Variants in KMT2D observed in about 807,000 individuals in gnomAD.
The protein encoded by KMT2D is histone-lysine N-methyltransferase 2D.
In KMT2D, 55 loss-of-function variants were observed where a neutral mutation model predicts 512.7. The ratio of observed to expected loss-of-function variants is 0.11; its 90% CI spans 0.09 to 0.13. The LOEUF is 0.13. KMT2D is among the 10% of genes least tolerant of loss of function. KMT2D has a pLI of 1.00. For missense variants in KMT2D, 6,061 were observed against 7,127.9 expected, an observed-to-expected ratio of 0.85 and a Z score of 5.39; for synonymous variants, 2,995 against 2,904.0, an observed-to-expected ratio of 1.03 and a Z score of -1.01.
At position 49,060,513 on chromosome 12, in the gene KMT2D, C is replaced by G. The variant is rs1284303896; in HGVS notation, c.-938G>C. The stretch of plus-strand genomic sequence containing the variant: ...ACCCCGGCTCCCGGCACCGGGGGGT[C>G]AGGAAACTGAGCGGAAAGTGGGGAA... On this transcript the variant is annotated 5_prime_UTR_variant, in exon 1 of 55. It removes the in-frame stop codon of an upstream open reading frame in the 5' UTR. Transcript: ENST00000301067. 6.6e-6 allele frequency among the ~76,000 whole-genome samples: 1 copy of G among 152,220 alleles called. No individual in the cohort carries two copies. Among genetic ancestry groups the G allele is most frequent in the African/African-American group, 2.4e-5 (1 of 41,458 alleles).
Position 49,039,807 on chromosome 12 carries a change from A to C in KMT2D, c.7963T>G (p.Ser2655Ala). 1.2e-6 allele frequency: 2 copies of C among 1,613,996 alleles called. No homozygotes were observed. The highest frequency in any genetic ancestry group is 1.3e-5 in the African/African-American group (1 of 75,058). The part of the protein sequence containing the change: ...REDPGTGMGS[S>A]LATAELPGTQ... ...CCTGGGAGTTCAGCTGTCGCCAAAGAGCTACCCATTCCAGTCCCTGGGTCT... is the reference window on the plus strand; with the variant it reads ...CCTGGGAGTTCAGCTGTCGCCAAAGCGCTACCCATTCCAGTCCCTGGGTCT... The change falls in exon 32 of 55, where the codon TCT (serine) becomes GCT (alanine). Residue 2655 changes from serine (S) to alanine (A), a missense_variant. Physicochemically the swap from Ser to Ala is moderately conservative, Grantham distance 99 (BLOSUM62 1). Transcript: ENST00000301067. This position sits in a 1 kb window ranked among gnomAD's most constrained non-coding sequence, Gnocchi z 5.0.
chr12:49,034,072 C>G lies in KMT2D; in HGVS notation c.10735G>C (p.Asp3579His), dbSNP rs1943093985. Reference sequence around the variant, plus strand: ...TGAAGTTTGCTTTCCCCCACCTGATCCAGTTGTTTCTGGATCTTGCTCTGC... The same window carrying G: ...TGAAGTTTGCTTTCCCCCACCTGATGCAGTTGTTTCTGGATCTTGCTCTGC... ...EQQSKIQKQL[D>H]QVRKQQKEHT... The change falls in exon 39 of 55, where the codon GAT becomes CAT. Residue 3579 changes from aspartate (D) to histidine (H), a missense_variant. Physicochemically the swap from Asp to His is moderately conservative, Grantham distance 81. Around this residue, in one of 16 missense-constraint regions of KMT2D, gnomAD observed 50 missense variants for 119.9 expected, o/e 0.42. Coordinates refer to ENST00000301067, the MANE Select transcript of KMT2D (RefSeq NM_003482.4). The G allele has an allele frequency of 6.2e-7, 1 of 1,611,962 alleles. No homozygotes were observed. Among genetic ancestry groups the G allele is most frequent in the African/African-American group, 1.3e-5 (1 of 74,906 alleles).
In KMT2D at chr12:49,033,289, G is replaced by T; in HGVS notation, c.11416C>A (p.Gln3806Lys). The T allele has an allele frequency of 6.3e-7, 1 of 1,581,778 alleles. No homozygotes were observed. The highest frequency in any genetic ancestry group is 1.3e-5 in the African/African-American group (1 of 74,462). Residue 3806 changes from glutamine (Q) to lysine (K), a missense_variant, in exon 40 of 55, where the codon CAG (glutamine) becomes AAG (lysine). This residue lies in a region of KMT2D where 1,600 missense variants were observed against 1,754.9 expected (regional missense o/e 0.91). Coordinates refer to ENST00000301067, the MANE Select transcript of KMT2D (RefSeq NM_003482.4). ...QGPQGMLGPA[Q>K]VAVLQQQHPG... The stretch of plus-strand genomic sequence containing the variant: ...TGCTGCTGCTGCAACACAGCCACCT[G>T]GGCAGGGCCCAGCATGCCCTGGGGC...
rs562830182 is a variant in KMT2D at position 49,027,872 on chromosome 12, C to T, written c.14574G>A (p.Lys4858=). ...AGCCAGGCAACACTGCATCAAACTG[C>T]TTCAGCCAATCAGGGCCAGTGTCTG... ...KSPDTGPDWL[K]QFDAVLPGYT... Residue 4858 remains lysine, a synonymous_variant, in exon 48 of 55, where the codon AAG becomes AAA. Coordinates refer to ENST00000301067, the MANE Select transcript of KMT2D (RefSeq NM_003482.4). 2.9e-5 allele frequency: 47 copies of T among 1,612,034 alleles called. No homozygotes were observed. The highest frequency in any genetic ancestry group is 6.7e-5 in the Admixed American group (4 of 59,708).
Position 49,046,514 on chromosome 12 carries a change from GCCT to G in KMT2D, c.4418+92_4419-91del. 6.3e-7 allele frequency: 1 copy of G among 1,579,378 alleles called. No homozygotes were observed. Among genetic ancestry groups the G allele is most frequent in the Non-Finnish European group, 8.6e-7 (1 of 1,158,486 alleles). On this transcript the variant is annotated intron_variant, in intron 16 of 54. Transcript: ENST00000301067. The surrounding 1 kb of genome is among the most constrained non-coding windows in gnomAD (Gnocchi z 4.2). Reference sequence around the variant, plus strand: ...ACCGGAAACCCAAGCCACCAGCCTGGCCTCCTAAACCCAGCCTCTGTCACATAC... The same window carrying G: ...ACCGGAAACCCAAGCCACCAGCCTGGCCTAAACCCAGCCTCTGTCACATAC...
At chr12:49,023,018 G>A in intron 51 of KMT2D, 143 bp from the exon 52 acceptor site, 2 of 902,170 alleles carry the variant, frequency 2.2e-6, no homozygotes, top group South Asian at 3.8e-5. Context: ...GCAGCCTTGG[G>A]AAAGGAGTAG....
chr12:49,022,355 T>TAG lies in KMT2D; in HGVS notation c.16339-4_16339-3dup, dbSNP rs1323229788. ...TCGGAACATGTAGATGCCTCGATTCTAGAAAGGCAGAGGTTGCAGAAGAAG... is the reference window on the plus strand; with the variant it reads ...TCGGAACATGTAGATGCCTCGATTCTAGAGAAAGGCAGAGGTTGCAGAAGAAG... On this transcript the variant is annotated splice_polypyrimidine_tract_variant and splice_region_variant and intron_variant, in intron 52 of 54. Transcript: ENST00000301067. The surrounding 1 kb of genome is among the most constrained non-coding windows in gnomAD (Gnocchi z 8.6). 6.2e-7 allele frequency: 1 copy of TAG among 1,602,362 alleles called. No homozygotes were observed. The highest frequency in any genetic ancestry group is 2.2e-5 in the East Asian group (1 of 44,608).
At position 49,044,951 on chromosome 12, in the gene KMT2D, G is replaced by C. The variant is rs759873461; in HGVS notation, c.4756C>G (p.Arg1586Gly). The C allele has an allele frequency of 1.9e-6, 3 of 1,613,708 alleles. No homozygotes were observed. Among genetic ancestry groups the C allele is most frequent in the Non-Finnish European group, 2.5e-6 (3 of 1,179,714 alleles). The change falls in exon 20 of 55, where the codon CGC (arginine) becomes GGC (glycine). Residue 1586 changes from arginine (R) to glycine (G), a missense_variant. Transcript: ENST00000301067. This position sits in a 1 kb window ranked among gnomAD's most constrained non-coding sequence, Gnocchi z 6.4. ...TCTGTCAGCCACACACCTTCGAAGCGAAAGTACTGGGGCTCTGCATAAGAG... is the reference window on the plus strand; with the variant it reads ...TCTGTCAGCCACACACCTTCGAAGCCAAAGTACTGGGGCTCTGCATAAGAG... Reference protein sequence around the residue: ...KVKEPEPQYFRFEGVWLTETG... With the variant: ...KVKEPEPQYFGFEGVWLTETG...
chr12:49,021,938 A>T, intron 54 of KMT2D, 66 bp from the exon 55 acceptor site: 2 of 1,564,076 alleles, frequency 1.3e-6, no homozygotes, highest in Admixed American at 1.7e-5. Context: ...CAGAGAAGAT[A>T]TGATCTGAGG....
rs771549307 is a variant in KMT2D, at chr12:49,026,206, C to T, written c.15760G>A (p.Val5254Ile). ...CCCTGGGGAGAGGCGTCAGTGAAGA[C>T]CAGGTCCTCCAGGCCCTGCTCGATG... Reference protein sequence around the residue: ...KVIEQGLEDLVFTDASPQAVW... With the variant: ...KVIEQGLEDLIFTDASPQAVW... The change falls in exon 49 of 55, where the codon GTC (valine) becomes ATC (isoleucine). Residue 5254 changes from valine to isoleucine, a missense_variant. This residue lies in a region of KMT2D where 261 missense variants were observed against 440.7 expected (regional missense o/e 0.59). Coordinates refer to ENST00000301067, the MANE Select transcript of KMT2D (RefSeq NM_003482.4). The surrounding 1 kb of genome is among the most constrained non-coding windows in gnomAD (Gnocchi z 9.6). 26 of 1,590,934 alleles carry T rather than the reference C, an allele frequency of 1.6e-5. No homozygotes were observed. Among genetic ancestry groups the T allele is most frequent in the Non-Finnish European group, 2.1e-5 (25 of 1,163,030 alleles).
chr12:49,037,023 C>T (rs1023450345), intron 35 of KMT2D, 102 bp downstream of exon 35: 23 of 1,422,966 alleles, frequency 1.6e-5, no homozygotes, highest in Non-Finnish European at 2.0e-5. Flanking sequence ...TCTTTGTGTC[C>T]CATCTTAAGT....
rs1361468544 is a variant in KMT2D, at chr12:49,051,643, C to G, written c.2040G>C (p.Thr680=). 1 of 1,554,936 alleles carries G rather than the reference C, an allele frequency of 6.4e-7. No homozygotes were observed. Among genetic ancestry groups the G allele is most frequent in the East Asian group, 2.3e-5 (1 of 43,836 alleles). ...GGCGTGAAGCCTCAGGTGGAGGGGA[C>G]GTGGGAGACTCCTCAGGCGGTGGGG... is the stretch of plus-strand genomic sequence containing the variant. ...PLSPPPEESP[T]SPPPEASRLS... is the part of the protein sequence containing the mutation. Residue 680 remains threonine, a synonymous_variant, in exon 11 of 55, where the codon ACG becomes ACC. Transcript: ENST00000301067.
chr12:49,055,451 C>T (rs1044589263), intron 1 of KMT2D, 90 bp from the exon 2 acceptor site: 1 of 744,710 alleles, frequency 1.3e-6, no homozygotes, highest in Non-Finnish European at 2.2e-6. Context: ...CATCCAGACC[C>T]TCCAGACATC....
intron 49 of KMT2D, among the ~76,000 whole-genome samples, chr12:49,025,954 T>C (rs1942559122): frequency 6.6e-6 from 1 of 152,154 alleles, no homozygotes; most frequent in Non-Finnish European, 1.5e-5. Flanking sequence ...AACTAGAATA[T>C]GTGAGATTAG....
At position 49,019,370 on chromosome 12, in the gene KMT2D, G is replaced by A. The variant is rs1356965503; in HGVS notation, c.*2410C>T. ...ACCCAAAATACAAACACGGGGGCGG[G>A]GGGTGGGGTGGGGGATTCTGATGCA... is the stretch of plus-strand genomic sequence containing the variant. On this transcript the variant is annotated 3_prime_UTR_variant, in exon 55 of 55. Transcript: ENST00000301067. 1 of 136,998 alleles carries A rather than the reference G, an allele frequency of 7.3e-6. No individual in the cohort carries two copies. The highest frequency in any genetic ancestry group is 1.5e-5 in the Non-Finnish European group (1 of 64,752). 8.5% of individuals were successfully genotyped at this position (136,998 alleles called of 1,614,324 possible). A position where few individuals can be genotyped will look rare whatever the true frequency, so the allele number is the denominator to read the frequency against.
At position 49,054,747 on chromosome 12, in the gene KMT2D, C is replaced by A. The variant is rs1938304119; in HGVS notation, c.181G>T (p.Gly61Cys). Residue 61 changes from glycine to cysteine, a missense_variant, in exon 4 of 55, where the codon GGT becomes TGT. Around this residue, in one of 16 missense-constraint regions of KMT2D, gnomAD observed 144 missense variants for 165.7 expected, o/e 0.87. Transcript: ENST00000301067. This position sits in a 1 kb window ranked among gnomAD's most constrained non-coding sequence, Gnocchi z 6.4. ...LQETPQDCSG[G>C]PVRRCALCNC... is the part of the protein sequence containing the mutation. ...CAGAGAGCACAACGCCGCACCGGACCCCCACTGTGGACACACAAGCATCAG... is the reference window on the plus strand; with the variant it reads ...CAGAGAGCACAACGCCGCACCGGACACCCACTGTGGACACACAAGCATCAG... 6.2e-7 allele frequency: 1 copy of A among 1,613,894 alleles called. No individual in the cohort carries two copies. The highest frequency in any genetic ancestry group is 8.5e-7 in the Non-Finnish European group (1 of 1,179,802).
chr12:49,051,262 G>A lies in KMT2D; in HGVS notation c.2421C>T (p.Ser807=), dbSNP rs564275104. Residue 807 remains serine (S), a synonymous_variant, in exon 11 of 55, where the codon TCC becomes TCT. Transcript: ENST00000301067. ...ACAGGTGCGGCTCCTCAGTCTGGGG[G>A]GACAGGTGCAATTCCTCAGGCTGAG... ...LSPQPEELHL[S]PQTEEPHLSP... 2 of 1,537,954 alleles carry A rather than the reference G, an allele frequency of 1.3e-6. No homozygotes were observed. The highest frequency in any genetic ancestry group is 1.8e-6 in the Non-Finnish European group (2 of 1,141,106).
At position 49,033,311 on chromosome 12, in the gene KMT2D, G is replaced by C. The variant is rs1309386476; in HGVS notation, c.11394C>G (p.Pro3798=). ...QQLSPQPPQG[P]QGMLGPAQVA... ...CCTGGGCAGGGCCCAGCATGCCCTG[G>C]GGCCCCTGGGGTGGTTGAGGGGACA... is the stretch of plus-strand genomic sequence containing the variant. Residue 3798 remains proline, a synonymous_variant, in exon 40 of 55, where the codon CCC becomes CCG. Transcript: ENST00000301067. 1 of 1,591,636 alleles carries C rather than the reference G, an allele frequency of 6.3e-7. No individual in the cohort carries two copies. The highest frequency in any genetic ancestry group is 8.6e-7 in the Non-Finnish European group (1 of 1,169,338).
rs1943439925 is a variant in KMT2D at position 49,040,210 on chromosome 12, C to T, written c.7560G>A (p.Arg2520=). Residue 2520 remains arginine, a synonymous_variant, in exon 32 of 55, where the codon CGG becomes CGA. Transcript: ENST00000301067. ...VPSGQPPNFV[R]SPGTGAFVGT... ...CCACAAATGCACCCGTCCCAGGGGA[C>T]CGGACAAAATTGGGGGGCTGCCCAC... 2 of 1,613,394 alleles carry T rather than the reference C, an allele frequency of 1.2e-6. No homozygotes were observed. The highest frequency in any genetic ancestry group is 1.7e-6 in the Non-Finnish European group (2 of 1,179,652).
Sources: gnomAD v4.1 joint callset for allele counts (sites outside exome capture counted in the v4.1 genomes callset) on GRCh38, gnomAD v4.1.1 for gene constraint, gnomAD v4.1.1 regional missense constraint, Gnocchi (gnomAD v3.1) non-coding constraint, MANE v1.5 for transcripts, NCBI Gene and HGNC (gene_info 2026-07-23, HGNC 2026-07-21) for gene names.